RETREG3: variants seen among roughly 807,000 people sequenced by gnomAD.
RETREG3 encodes the protein reticulophagy regulator family member 3, also known as reticulophagy regulator 3.
In RETREG3, 23 loss-of-function variants were observed where a neutral mutation model predicts 50.2. The observed-to-expected ratio is 0.46, with a 90% CI of 0.33 to 0.65. The LOEUF (loss-of-function observed/expected upper bound fraction) is 0.65, where lower values mean the gene tolerates loss of function less well. Ranked by LOEUF, RETREG3 falls within the 30% of genes least tolerant of loss-of-function variation. The pLI is 0.02. For missense variants in RETREG3, 546 were observed against 598.0 expected, an observed-to-expected ratio of 0.91 and a Z score of 0.91; for synonymous variants, 240 against 234.4, an observed-to-expected ratio of 1.02 and a Z score of -0.22.
intron 1 of RETREG3, chr17:42,598,613 T>C (rs1567925972): frequency 6.6e-6 from 1 of 152,224 alleles, no homozygotes; most frequent in Non-Finnish European, 1.5e-5. Context: ...TCTGAATGTC[T>C]TCTCTCTCTT....
chr17:42,583,676 G>A lies in RETREG3; in HGVS notation c.728-96C>T, dbSNP rs1597732504. 5 of 1,171,352 alleles carry A rather than the reference G, an allele frequency of 4.3e-6. No homozygotes were observed. In the East Asian group the frequency reaches 1.1e-4, roughly 25 times the overall value. The allele number at this position is 1,171,352 out of a possible 1,614,324, so 72.6% of individuals were successfully genotyped here. ...ATAAAATCAGAACACAAAACAAAGAGCCTCTCTGAATCTGGCTCTAAGCCT... is the reference window on the plus strand; with the variant it reads ...ATAAAATCAGAACACAAAACAAAGAACCTCTCTGAATCTGGCTCTAAGCCT... On this transcript the variant is annotated intron_variant, in intron 6 of 8. Transcript: ENST00000309428.
rs1461720453 is a variant in RETREG3 at position 42,609,174 on chromosome 17, G to A, written c.151C>T (p.Pro51Ser). The change falls in exon 1 of 9, where the codon CCT (proline) becomes TCT (serine). Residue 51 changes from proline to serine, a missense_variant. Physicochemically the swap from Pro to Ser is moderately conservative, Grantham distance 74. Coordinates refer to ENST00000309428, the MANE Select transcript of RETREG3 (RefSeq NM_178126.4). ...ALVEVLGPYE[P>S]LLSRVQAALV... ...GCTGCCTGCACCCGACTCAGCAGAG[G>A]CTCGTAAGGCCCCAGCACCTCCACC... 5 of 1,610,036 alleles carry A rather than the reference G, an allele frequency of 3.1e-6. No homozygotes were observed. In the East Asian group the frequency reaches 1.1e-4, roughly 36 times the overall value.
intron 1 of RETREG3, among the ~76,000 whole-genome samples, chr17:42,604,694 C>CAAAAAAAAAAA (rs1007735904): frequency 2.2e-5 from 1 of 44,518 alleles, no homozygotes; most frequent in Non-Finnish European, 4.6e-5. Context: ...GATTCCCCAG[C>CAAAAAAAAAAA]AAAAAAAAAA....
At chr17:42,597,592 TATATATA>T (rs1344766402) in intron 1 of RETREG3, among the ~76,000 whole-genome samples, 2,246 of 69,722 alleles carry the variant, frequency 0.032, 138 homozygotes, top group Middle Eastern at 0.079. Flanking sequence ...TATATATATA[TATATATA>T]TATATATATA....
At chr17:42,598,077 G>A (rs948092272) in intron 1 of RETREG3, among the ~76,000 whole-genome samples, 2 of 149,168 alleles carry the variant, frequency 1.3e-5, no homozygotes, top group African/African-American at 5.0e-5. Flanking sequence ...CATCTCTCGG[G>A]TTCATGCCAT....
rs2093104294 is a variant in RETREG3 at position 42,580,160 on chromosome 17, G to A, written c.*1653C>T. 1 of 152,360 alleles carries A rather than the reference G, an allele frequency of 6.6e-6. No homozygotes were observed. Among genetic ancestry groups the A allele is most frequent in the Admixed American group, 6.5e-5 (1 of 15,284 alleles). 9.4% of individuals were successfully genotyped at this position (152,360 alleles called of 1,614,324 possible). ...TCACATGATTTCACTAGGGGCTGCAGAACAGATACCCCTCAGAGGGGTCTC... is the reference window on the plus strand; with the variant it reads ...TCACATGATTTCACTAGGGGCTGCAAAACAGATACCCCTCAGAGGGGTCTC... On this transcript the variant is annotated 3_prime_UTR_variant, in exon 9 of 9. Transcript: ENST00000309428.
At chr17:42,603,222 A>G (rs939752711) in intron 1 of RETREG3, among the ~76,000 whole-genome samples, 5 of 152,206 alleles carry the variant, frequency 3.3e-5, no homozygotes, top group African/African-American at 1.2e-4. Flanking sequence ...CCTCACTATT[A>G]GTACCAGTAA....
chr17:42,586,552 C>T, intron 4 of RETREG3: 1 of 525,100 alleles, frequency 1.9e-6, no homozygotes, highest in Non-Finnish European at 3.3e-6. Context: ...ACGGCCTCAT[C>T]TAAGTGGCAA....
chr17:42,596,154 A>G (rs1029010858), intron 1 of RETREG3, among the ~76,000 whole-genome samples: 2 of 151,384 alleles, frequency 1.3e-5, no homozygotes, highest in Admixed American at 6.6e-5. Context: ...GGATGGCTTG[A>G]GCCCAGGAGT....
chr17:42,599,169 G>A (rs2093153853), intron 1 of RETREG3: 1 of 152,174 alleles, frequency 6.6e-6, no homozygotes, highest in South Asian at 2.1e-4. Context: ...GCAGCACTGG[G>A]GAGCAAGAAA....
In RETREG3 at chr17:42,581,665, A is replaced by G. The variant is rs1433845927; in HGVS notation, c.*148T>C. 2 of 678,004 alleles carry G rather than the reference A, an allele frequency of 2.9e-6. No homozygotes were observed. Among genetic ancestry groups the G allele is most frequent in the African/African-American group, 3.6e-5 (2 of 55,284 alleles). The allele number at this position is 678,004 out of a possible 1,614,324, so 42.0% of individuals were successfully genotyped here. ...TGGGAGGGGAGTGAGTGTCCTCTCT[A>G]AGGAGGCCTCTGAGCATCAGCCAGG... On this transcript the variant is annotated 3_prime_UTR_variant, in exon 9 of 9. Coordinates refer to ENST00000309428, the MANE Select transcript of RETREG3 (RefSeq NM_178126.4).
At chr17:42,592,193 AT>A (rs2093134622) in intron 1 of RETREG3, 31 bp from the exon 2 acceptor site, 3 of 1,579,456 alleles carry the variant, frequency 1.9e-6, no homozygotes, top group South Asian at 2.2e-5. Flanking sequence ...AAGAAAGATC[AT>A]TTACCTAGTT....
At chr17:42,598,306 C>T (rs2093152095) in intron 1 of RETREG3, among the ~76,000 whole-genome samples, 1 of 151,916 alleles carries the variant, frequency 6.6e-6, no homozygotes, top group Non-Finnish European at 1.5e-5. Flanking sequence ...ATTATTGTGG[C>T]TTGTTCCAAA....
chr17:42,590,498 C>G (rs528801911), intron 2 of RETREG3, among the ~76,000 whole-genome samples: 3 of 152,000 alleles, frequency 2.0e-5, no homozygotes, highest in Non-Finnish European at 4.4e-5. Context: ...ATGGAGAAAC[C>G]CCATCTATAG....
chr17:42,599,084 G>T (rs1335919624), intron 1 of RETREG3: 1 of 152,152 alleles, frequency 6.6e-6, no homozygotes, highest in African/African-American at 2.4e-5. Flanking sequence ...AGTCTGGCAA[G>T]CCTCCCTAGA....
At chr17:42,586,467 C>G (rs1017881829) in intron 4 of RETREG3, 5 of 416,694 alleles carry the variant, frequency 1.2e-5, no homozygotes, top group African/African-American at 1.0e-4. Context: ...CAAAAAAACA[C>G]AACAACCTAT....
chr17:42,593,015 C>A (rs2093136186), intron 1 of RETREG3, among the ~76,000 whole-genome samples: 1 of 152,044 alleles, frequency 6.6e-6, no homozygotes, highest in Non-Finnish European at 1.5e-5. Context: ...AAAGCAAGTT[C>A]TCCAGAATTA....
chr17:42,589,204 T>C (rs757846874), intron 2 of RETREG3, among the ~76,000 whole-genome samples: 9 of 152,148 alleles, frequency 5.9e-5, no homozygotes, highest in South Asian at 2.1e-4. Flanking sequence ...AACTACACGA[T>C]TCCTTGAAGT....
intron 1 of RETREG3, among the ~76,000 whole-genome samples, chr17:42,599,980 C>T (rs2093155578): frequency 6.6e-6 from 1 of 151,628 alleles, no homozygotes; most frequent in Non-Finnish European, 1.5e-5. Context: ...GGTGACAGAG[C>T]GAGACCCTAT....
Sources: gnomAD v4.1 joint callset for allele counts (sites outside exome capture counted in the v4.1 genomes callset) on GRCh38, gnomAD v4.1.1 for gene constraint, MANE v1.5 for transcripts, NCBI Gene and HGNC (gene_info 2026-07-23, HGNC 2026-07-21) for gene names.